Variants in ASB3 observed in about 807,000 individuals in gnomAD.
ASB3 encodes ankyrin repeat and SOCS box protein 3.
In ASB3, 41 loss-of-function variants were observed where a neutral mutation model predicts 54.5. The observed-to-expected ratio is 0.75, with a 90% confidence interval of 0.59 to 0.98. The LOEUF is 0.98. Among genes scored for constraint, ASB3 ranks in the 50% least tolerant of loss-of-function variants. The probability of loss-of-function intolerance (pLI) is 0.00; values close to 1 mark genes in which losing one functional copy is unlikely to be tolerated. For missense variants in ASB3, 733 were observed against 620.0 expected (o/e 1.18, Z -1.94); for synonymous variants, 266 against 221.2 (o/e 1.20, Z -1.80).
At chr2:53,702,279 C>T (rs4116709) in intron 7 of ASB3, among the ~76,000 whole-genome samples, 24,789 of 152,056 alleles carry the variant, frequency 0.16, 2,107 homozygotes, top group South Asian at 0.23. Context: ...ACTGGAGAAG[C>T]ATAGAGTTTT....
rs114799861 is a variant in ASB3 at position 53,743,209 on chromosome 2, T to G, written c.355+7574A>C. 5.9e-3 allele frequency among the ~76,000 whole-genome samples: 889 copies of G among 150,588 alleles called. 9 individuals are homozygous for G. Among genetic ancestry groups the G allele is most frequent in the African/African-American group, 0.021 (846 of 40,850 alleles). ...CAGAGATGGGGTGGTCTCACTCTGT[T>G]GCCCAGGCTGGTCTCGAACTCCTGG... On this transcript the variant is annotated intron_variant, in intron 3 of 9. Transcript: ENST00000263634.
At chr2:53,769,882 T>C (rs930580250) in intron 1 of ASB3, among the ~76,000 whole-genome samples, 2 of 152,210 alleles carry the variant, frequency 1.3e-5, no homozygotes, top group African/African-American at 2.4e-5. Flanking sequence ...TCTGATCACC[T>C]AAGACTCAGA....
At chr2:53,704,295 G>A (rs897660977) in intron 7 of ASB3, among the ~76,000 whole-genome samples, 3 of 150,864 alleles carry the variant, frequency 2.0e-5, no homozygotes, top group African/African-American at 4.9e-5. Flanking sequence ...AGAAGGCAGA[G>A]GTTGCAGTGA....
intron 9 of ASB3, among the ~76,000 whole-genome samples, chr2:53,681,752 G>T (rs1037982094): frequency 2.6e-5 from 4 of 152,132 alleles, no homozygotes; most frequent in East Asian, 1.9e-4. Flanking sequence ...GGCTGTTTTA[G>T]TTACTATGGC....
intron 3 of ASB3, among the ~76,000 whole-genome samples, chr2:53,731,035 T>C (rs1172695903): frequency 6.6e-6 from 1 of 152,188 alleles, no homozygotes; most frequent in African/African-American, 2.4e-5. Context: ...ATGCCATTGA[T>C]ATTGTACTAG....
intron 3 of ASB3, among the ~76,000 whole-genome samples, chr2:53,731,815 GCTA>G (rs542220845): frequency 8.5e-4 from 129 of 152,132 alleles, no homozygotes; most frequent in Non-Finnish European, 1.7e-3. Context: ...ATCATGCTCG[GCTA>G]CTTTTTGGTA....
At chr2:53,684,111 A>G (rs563839664) in intron 9 of ASB3, among the ~76,000 whole-genome samples, 120 of 152,314 alleles carry the variant, frequency 7.9e-4, no homozygotes, top group Non-Finnish European at 1.3e-3. Flanking sequence ...ATTTTAAACC[A>G]GTGTCTGATA....
At chr2:53,741,157 C>A (rs1242590254) in intron 3 of ASB3, among the ~76,000 whole-genome samples, 1 of 152,158 alleles carries the variant, frequency 6.6e-6, no homozygotes, top group African/African-American at 2.4e-5. Context: ...TCCTTAATCC[C>A]AAAGAGTCCT....
chr2:53,732,828 T>G (rs1671394985), intron 3 of ASB3, among the ~76,000 whole-genome samples: 1 of 152,164 alleles, frequency 6.6e-6, no homozygotes. Context: ...TTTAGAAAAG[T>G]GTATTTAGAG....
intron 9 of ASB3, among the ~76,000 whole-genome samples, chr2:53,690,475 A>C (rs893585970): frequency 6.6e-6 from 1 of 152,146 alleles, no homozygotes; most frequent in East Asian, 1.9e-4. Context: ...CAGTCCATGT[A>C]AAAGAAAGTC....
At chr2:53,710,752 T>C (rs1188539592) in intron 7 of ASB3, among the ~76,000 whole-genome samples, 5 of 152,216 alleles carry the variant, frequency 3.3e-5, no homozygotes, top group African/African-American at 1.2e-4. Flanking sequence ...GCCTTGACTT[T>C]CCTGCTTTAA....
chr2:53,680,776 G>A (rs932139208), intron 9 of ASB3, among the ~76,000 whole-genome samples: 1 of 152,038 alleles, frequency 6.6e-6, no homozygotes, highest in African/African-American at 2.4e-5. Context: ...ACAATAAATT[G>A]TTGACCTTAG....
chr2:53,776,059 C>G (rs1003306678), intron 1 of ASB3, among the ~76,000 whole-genome samples: 1 of 152,122 alleles, frequency 6.6e-6, no homozygotes. Flanking sequence ...AATCTTTCAC[C>G]ATAAGAACTT....
chr2:53,768,340 GA>G (rs1316173772), intron 1 of ASB3: 2 of 248,316 alleles, frequency 8.1e-6, no homozygotes, highest in Non-Finnish European at 1.5e-5. Flanking sequence ...TCTGCCAAAA[GA>G]AAAAAAGTCC....
At chr2:53,766,121 T>C (rs1478366607) in intron 1 of ASB3, among the ~76,000 whole-genome samples, 1 of 152,178 alleles carries the variant, frequency 6.6e-6, no homozygotes, top group Non-Finnish European at 1.5e-5. Flanking sequence ...CACCTGCTTG[T>C]CCTTTCCAGA....
intron 5 of ASB3, among the ~76,000 whole-genome samples, chr2:53,720,452 AG>A (rs1670641121): frequency 6.6e-6 from 1 of 152,222 alleles, no homozygotes; most frequent in African/African-American, 2.4e-5. Context: ...TTTCTATTCA[AG>A]AAAAAATTAT....
intron 9 of ASB3, among the ~76,000 whole-genome samples, chr2:53,692,844 TAC>T (rs1668988417): frequency 6.6e-6 from 1 of 152,196 alleles, no homozygotes; most frequent in African/African-American, 2.4e-5. Context: ...CATTAAGAGT[TAC>T]ACAGAGTGAG....
intron 7 of ASB3, among the ~76,000 whole-genome samples, chr2:53,708,408 T>C (rs1241695722): frequency 6.6e-6 from 1 of 152,202 alleles, no homozygotes; most frequent in Admixed American, 6.5e-5. Flanking sequence ...TAAACCTTTT[T>C]CTTTATAAAT....
At chr2:53,700,713 C>A (rs1365793217) in intron 7 of ASB3, among the ~76,000 whole-genome samples, 185 bp from the exon 8 acceptor site, 1 of 152,066 alleles carries the variant, frequency 6.6e-6, no homozygotes, top group Non-Finnish European at 1.5e-5. Context: ...TTTACACCCT[C>A]CTGCATGGTT....
Sources: gnomAD v4.1 joint callset for allele counts (sites outside exome capture counted in the v4.1 genomes callset) on GRCh38, gnomAD v4.1.1 for gene constraint, MANE v1.5 for transcripts, NCBI Gene and HGNC (gene_info 2026-07-23, HGNC 2026-07-21) for gene names.